Variants in CSMD1 observed in about 807,000 individuals in gnomAD.
CSMD1 encodes CUB and Sushi multiple domains 1, also known as CUB and sushi domain-containing protein 1.
A neutral mutation model predicts 417.5 loss-of-function variants in CSMD1; 213 were observed. The ratio of observed to expected loss-of-function variants is 0.51; its 90% CI spans 0.46 to 0.57. CSMD1 has a LOEUF of 0.57. Ranked by LOEUF, CSMD1 falls within the 20% of genes least tolerant of loss-of-function variation. The pLI is 0.00. For synonymous variants in CSMD1, 2,862 were observed against 1,736.8 expected (o/e 1.65, Z -16.11); for missense variants, 6,923 against 4,529.7 (o/e 1.53, Z -15.17).
chr8:4,198,273 C>G (rs1471119652), intron 3 of CSMD1, among the ~76,000 whole-genome samples: 1 of 152,236 alleles, frequency 6.6e-6, no homozygotes, highest in Non-Finnish European at 1.5e-5. Flanking sequence ...TACAGAAGCA[C>G]AGAAGGTAAA....
intron 10 of CSMD1, among the ~76,000 whole-genome samples, chr8:3,518,381 A>G (rs1393087464): frequency 1.3e-5 from 2 of 152,326 alleles, no homozygotes; most frequent in East Asian, 3.9e-4. Context: ...ATTTAATTGT[A>G]AATATTCCAG....
intron 3 of CSMD1, among the ~76,000 whole-genome samples, chr8:4,227,393 A>T (rs1030835275): frequency 6.6e-6 from 1 of 152,114 alleles, no homozygotes; most frequent in African/African-American, 2.4e-5. Context: ...CTATCCACTT[A>T]TAAGAACCCT....
Position 4,497,393 on chromosome 8 carries a change from G to A in CSMD1, c.303-77328C>T, listed in dbSNP as rs1466457334. Among the ~76,000 whole-genome samples, 5 of 152,162 alleles carry A rather than the reference G, an allele frequency of 3.3e-5. No individual in the cohort carries two copies. The East Asian group carries it at 9.6e-4, about 29-fold the overall frequency. On this transcript the variant is annotated intron_variant, in intron 2 of 69. Coordinates refer to ENST00000635120, the MANE Select transcript of CSMD1 (RefSeq NM_033225.6). ...AAAAATCAAGTTCTTAATAAATGCT[G>A]TCAATGATTGTATTTTGGGGGGAAA...
intron 18 of CSMD1, among the ~76,000 whole-genome samples, chr8:3,372,548 G>C (rs903312888): frequency 6.6e-6 from 1 of 152,150 alleles, no homozygotes; most frequent in African/African-American, 2.4e-5. Context: ...TGTCCTGAAG[G>C]TAGAGCCGGT....
intron 3 of CSMD1, among the ~76,000 whole-genome samples, chr8:4,270,915 C>T (rs62481986): frequency 0.076 from 11,621 of 152,166 alleles, 587 homozygotes; most frequent in Non-Finnish European, 0.12. Flanking sequence ...GTGCTGATCG[C>T]TGTGAAAAAT....
intron 1 of CSMD1, among the ~76,000 whole-genome samples, chr8:4,771,589 A>C (rs1291813840): frequency 6.6e-6 from 1 of 152,200 alleles, no homozygotes; most frequent in African/African-American, 2.4e-5. Context: ...GGGATGTTGA[A>C]ATATTGAGTA....
intron 1 of CSMD1, among the ~76,000 whole-genome samples, chr8:4,685,057 C>T (rs1379547240): frequency 6.6e-6 from 1 of 152,094 alleles, no homozygotes; most frequent in Non-Finnish European, 1.5e-5. Context: ...TTCTTCTGAC[C>T]CTTACCCAGT....
At chr8:3,433,668 G>C (rs992313837) in intron 12 of CSMD1, among the ~76,000 whole-genome samples, 10 of 152,130 alleles carry the variant, frequency 6.6e-5, no homozygotes, top group Non-Finnish European at 1.2e-4. Context: ...TTGGTGAGAT[G>C]CTTCTCTCTT....
chr8:3,629,629 C>T (rs1225568519), intron 7 of CSMD1, among the ~76,000 whole-genome samples: 2 of 152,090 alleles, frequency 1.3e-5, no homozygotes, highest in East Asian at 1.9e-4. Flanking sequence ...GATTCCTATA[C>T]TCAGGATTAT....
intron 4 of CSMD1, among the ~76,000 whole-genome samples, chr8:4,025,008 C>T (rs1217182091): frequency 6.6e-6 from 1 of 152,158 alleles, no homozygotes; most frequent in Non-Finnish European, 1.5e-5. Flanking sequence ...CGGCCTGATG[C>T]CTTGGTGATT....
In CSMD1 at chr8:4,000,674, A is replaced by G. The variant is rs184983687; in HGVS notation, c.611-2564T>C. ...ATTTACTTTTATTATTGATTAAATA[A>G]CTCTATATAAACATATCACACACAT... On this transcript the variant is annotated intron_variant, in intron 4 of 69. Coordinates refer to ENST00000635120, the MANE Select transcript of CSMD1 (RefSeq NM_033225.6). Among the ~76,000 whole-genome samples the G allele has an allele frequency of 5.9e-3, 895 of 152,176 alleles. 8 individuals carry two copies. Among genetic ancestry groups the G allele is most frequent in the African/African-American group, 0.02 (842 of 41,528 alleles).
intron 46 of CSMD1, among the ~76,000 whole-genome samples, chr8:3,101,666 C>CCG (rs1385083714): frequency 6.6e-6 from 1 of 152,044 alleles, no homozygotes; most frequent in Non-Finnish European, 1.5e-5. Context: ...ACCTTGTGAT[C>CCG]CGCTCCCCTC....
intron 12 of CSMD1, among the ~76,000 whole-genome samples, chr8:3,432,878 G>C (rs1197203652): frequency 6.6e-6 from 1 of 152,100 alleles, no homozygotes; most frequent in Non-Finnish European, 1.5e-5. Flanking sequence ...ATAGTCATCA[G>C]AGTAATGCCT....
chr8:3,162,959 T>G (rs1585522702), intron 37 of CSMD1, among the ~76,000 whole-genome samples: 1 of 152,188 alleles, frequency 6.6e-6, no homozygotes, highest in Admixed American at 6.5e-5. Context: ...AAACGAATTC[T>G]AAAACACTGA....
At chr8:3,109,014 C>T (rs1447638321) in intron 43 of CSMD1, among the ~76,000 whole-genome samples, 1 of 152,182 alleles carries the variant, frequency 6.6e-6, no homozygotes, top group Non-Finnish European at 1.5e-5. Context: ...CCTGTCATCC[C>T]AGCACTTTGG....
chr8:4,399,302 C>G (rs1042271570), intron 3 of CSMD1, among the ~76,000 whole-genome samples: 1 of 152,146 alleles, frequency 6.6e-6, no homozygotes, highest in Non-Finnish European at 1.5e-5. Context: ...GAGGGAGCTT[C>G]AATTCTACAT....
chr8:4,152,509 C>G (rs1427217256), intron 3 of CSMD1, among the ~76,000 whole-genome samples: 1 of 142,358 alleles, frequency 7.0e-6, no homozygotes, highest in East Asian at 2.0e-4. Context: ...AAAGCCCTGT[C>G]TCTACAGAGA....
rs368341419 is a variant in CSMD1 at position 4,637,426 on chromosome 8, G to C, written c.218C>G (p.Ser73Cys). The C allele has an allele frequency of 1.9e-6, 3 of 1,613,866 alleles. No individual in the cohort carries two copies. The highest frequency in any genetic ancestry group is 2.5e-6 in the Non-Finnish European group (3 of 1,179,878). Reference sequence around the variant, plus strand: ...TTCTTCAAGAGCAAAGGTATGGAAGGACAACTGTATCCTATTGCGCTCGCC... The same window carrying C: ...TTCTTCAAGAGCAAAGGTATGGAAGCACAACTGTATCCTATTGCGCTCGCC... ...ITGERNRIQL[S>C]FHTFALEEDF... Residue 73 changes from serine to cysteine, a missense_variant, in exon 2 of 70, where the codon TCC (serine) becomes TGC (cysteine). Physicochemically the swap from Ser to Cys is moderately radical, Grantham distance 112. Coordinates refer to ENST00000635120, the MANE Select transcript of CSMD1 (RefSeq NM_033225.6).
At chr8:3,682,412 C>A (rs1274974652) in intron 7 of CSMD1, among the ~76,000 whole-genome samples, 6 of 152,046 alleles carry the variant, frequency 3.9e-5, no homozygotes, top group African/African-American at 1.4e-4. Flanking sequence ...AAAAGATGAC[C>A]TTTATGCAGC....
Sources: allele counts gnomAD v4.1 joint callset (sites outside exome capture counted in the v4.1 genomes callset), GRCh38; gene constraint gnomAD v4.1.1; transcripts MANE v1.5; gene names NCBI Gene and HGNC (gene_info 2026-07-23, HGNC 2026-07-21).